The following ZNF69 variants were observed in gnomAD, a reference collection of about 807,000 sequenced individuals.
The protein encoded by ZNF69 is zinc finger protein 69, also known as ZNF3.
ZNF69 carries 47 observed loss-of-function variants against 50.9 expected under a neutral mutation model. The ratio of observed to expected loss-of-function variants is 0.92; its 90% CI spans 0.73 to 1.18. ZNF69 has a LOEUF of 1.18. Among genes scored for constraint, ZNF69 ranks in the 50% most tolerant of loss-of-function variants. ZNF69 has a pLI of 0.00. For missense variants in ZNF69, 717 were observed against 675.1 expected (o/e 1.06, Z -0.69); for synonymous variants, 216 against 223.1 (o/e 0.97, Z 0.29).
At chr19:11,975,215 C>T in the ZNF69 span, among the ~76,000 whole-genome samples, 1 of 151,728 alleles carries the variant, frequency 6.6e-6, no homozygotes, top group Non-Finnish European at 1.5e-5. Flanking sequence ...TCTCCTGCCT[C>T]AGTTCTCCTG....
chr19:11,908,136 T>G (rs2145248116), downstream of ZNF69, among the ~76,000 whole-genome samples: 1 of 152,334 alleles, frequency 6.6e-6, no homozygotes, highest in East Asian at 1.9e-4. Flanking sequence ...CCTAAATATT[T>G]ATGCACCCAA....
the ZNF69 span, among the ~76,000 whole-genome samples, chr19:11,971,753 C>G: frequency 2.0e-5 from 3 of 152,016 alleles, no homozygotes; most frequent in African/African-American, 7.2e-5. Context: ...TTTTGGGCTT[C>G]AAGAAAATTA....
chr19:11,891,661 G>A (rs534954615), intron 1 of ZNF69, among the ~76,000 whole-genome samples: 1 of 152,180 alleles, frequency 6.6e-6, no homozygotes, highest in Non-Finnish European at 1.5e-5. Flanking sequence ...TAGCACCCAA[G>A]TGCATTAAAA....
At chr19:11,977,387 C>T in the ZNF69 span, 6 of 1,613,822 alleles carry the variant, frequency 3.7e-6, no homozygotes, top group Non-Finnish European at 5.1e-6. Flanking sequence ...AGTGGAAAGA[C>T]CAGAACATTG....
chr19:11,979,167 A>C, the ZNF69 span: 1 of 1,612,116 alleles, frequency 6.2e-7, no homozygotes, highest in Admixed American at 1.7e-5. Flanking sequence ...GACATGAAAA[A>C]ACTCACACTG....
intron 1 of ZNF69, 30 bp from the exon 2 acceptor site, chr19:11,903,543 A>ATC: frequency 1.2e-6 from 2 of 1,612,724 alleles, no homozygotes; most frequent in Non-Finnish European, 8.5e-7. Flanking sequence ...ACTCTCACCC[A>ATC]TCCTCCTCTA....
chr19:11,913,478 T>TC (rs1811163804), exon 5 of ZNF69: 1 of 487,570 alleles, frequency 2.1e-6, no homozygotes, highest in East Asian at 3.4e-5. Flanking sequence ...AACCTCTGCC[T>TC]CCAGGGTTCA....
chr19:11,965,691 T>A, the ZNF69 span, among the ~76,000 whole-genome samples: 1 of 152,162 alleles, frequency 6.6e-6, no homozygotes, highest in Non-Finnish European at 1.5e-5. Context: ...TGGCTTGTGG[T>A]TTGTCAACTG....
At chr19:11,957,876 G>A in the ZNF69 span, among the ~76,000 whole-genome samples, 12 of 151,904 alleles carry the variant, frequency 7.9e-5, no homozygotes, top group Admixed American at 7.9e-4. Context: ...CCTGGAGGAA[G>A]GAGAGAAACT....
the ZNF69 span, chr19:11,950,581 G>A: frequency 1.8e-5 from 9 of 498,866 alleles, no homozygotes; most frequent in East Asian, 9.3e-5. Context: ...CACCTTCAAC[G>A]GCATGGAAGG....
At chr19:11,888,269 G>A (rs1448364038) in intron 1 of ZNF69, among the ~76,000 whole-genome samples, 1 of 152,254 alleles carries the variant, frequency 6.6e-6, no homozygotes, top group Non-Finnish European at 1.5e-5. Flanking sequence ...ATTGTGCGGG[G>A]GCCACGGGAG....
the ZNF69 span, chr19:11,948,250 C>T: frequency 4.3e-5 from 69 of 1,604,268 alleles, no homozygotes; most frequent in African/African-American, 6.9e-4. Flanking sequence ...ACAAACCCTT[C>T]ATGATGTGTT....
the ZNF69 span, chr19:11,947,178 C>T: frequency 6.2e-7 from 1 of 1,613,516 alleles, no homozygotes; most frequent in Non-Finnish European, 8.5e-7. Flanking sequence ...TGAGATGTTT[C>T]AGGACCCAGT....
At chr19:11,925,107 C>T in the ZNF69 span, 6 of 1,391,898 alleles carry the variant, frequency 4.3e-6, no homozygotes, top group African/African-American at 2.9e-5. Flanking sequence ...GGGTCGCTTT[C>T]CTCACCTTCC....
At chr19:11,948,310 G>C in the ZNF69 span, 10 of 1,613,406 alleles carry the variant, frequency 6.2e-6, no homozygotes, top group African/African-American at 1.3e-4. Flanking sequence ...TGAAATTAAA[G>C]AAGACAGTCA....
chr19:11,973,358 C>T, the ZNF69 span, among the ~76,000 whole-genome samples: 1 of 152,124 alleles, frequency 6.6e-6, no homozygotes, highest in Non-Finnish European at 1.5e-5. Context: ...CTCTCGATAC[C>T]TTTGTTGCTT....
At chr19:11,899,329 T>G (rs1972194682) in intron 1 of ZNF69, among the ~76,000 whole-genome samples, 1 of 152,174 alleles carries the variant, frequency 6.6e-6, no homozygotes, top group Non-Finnish European at 1.5e-5. Context: ...AGATTTTTGT[T>G]TTGTGAGAGA....
the ZNF69 span, among the ~76,000 whole-genome samples, chr19:11,945,351 C>A: frequency 6.6e-6 from 1 of 152,186 alleles, no homozygotes; most frequent in East Asian, 1.9e-4. Context: ...CAATAGGCTG[C>A]AGATGACCTG....
chr19:11,942,619 A>G, the ZNF69 span, among the ~76,000 whole-genome samples: 60 of 152,330 alleles, frequency 3.9e-4, no homozygotes, highest in African/African-American at 1.4e-3. Flanking sequence ...AGGGATCCAC[A>G]TGAAAGGATC....
Sources: allele counts gnomAD v4.1 joint callset (sites outside exome capture counted in the v4.1 genomes callset), GRCh38; gene constraint gnomAD v4.1.1; transcripts MANE v1.5; gene names NCBI Gene and HGNC (gene_info 2026-07-23, HGNC 2026-07-21).